The following DNAH14 variants were observed in gnomAD, a reference collection of about 807,000 sequenced individuals.
DNAH14 encodes the protein dynein axonemal heavy chain 14, also known as axonemal beta dynein heavy chain 14.
A neutral mutation model predicts 520.9 loss-of-function variants in DNAH14; 478 were observed. That is an observed-to-expected ratio of 0.92 (90% CI 0.85 to 0.99). The LOEUF is 0.99. DNAH14 is among the 50% of genes least tolerant of loss of function. The pLI, the probability that DNAH14 is intolerant of heterozygous loss-of-function variation, is 0.00. For missense variants in DNAH14, 4,831 were observed against 5,234.5 expected, an observed-to-expected ratio of 0.92 and a Z score of 2.38; for synonymous variants, 1,581 against 1,757.2, an observed-to-expected ratio of 0.90 and a Z score of 2.51.
chr1:224,934,704 A>G (rs1377085635), intron 1 of DNAH14, among the ~76,000 whole-genome samples: 1 of 151,838 alleles, frequency 6.6e-6, no homozygotes, highest in African/African-American at 2.4e-5. Context: ...GGCAGAAACA[A>G]TGTGAAAAGA....
Position 225,207,218 on chromosome 1 carries a change from A to G in DNAH14, c.6437A>G (p.Gln2146Arg). Reference sequence around the variant, plus strand: ...ATGGGTAAAAATGGAGGATTTGAACAAAGTGAGTTTTTTTCTCTAAGTCAT... The same window carrying G: ...ATGGGTAAAAATGGAGGATTTGAACGAAGTGAGTTTTTTTCTCTAAGTCAT... ...DFMGKNGGFEQSDDLNDTSSK... is the reference protein window; with the variant it reads ...DFMGKNGGFERSDDLNDTSSK... The change falls in exon 41 of 86, where the codon CAA becomes CGA. Residue 2146 changes from glutamine (Q) to arginine (R), a missense_variant and splice_region_variant. Transcript: ENST00000682510. 5 of 1,512,628 alleles carry G rather than the reference A, an allele frequency of 3.3e-6. No individual in the cohort carries two copies. The highest frequency in any genetic ancestry group is 3.5e-6 in the Non-Finnish European group (4 of 1,128,126). 93.7% of individuals were successfully genotyped at this position (1,512,628 alleles called of 1,614,324 possible).
chr1:225,103,996 T>C (rs2075779066), intron 23 of DNAH14, among the ~76,000 whole-genome samples: 2 of 152,180 alleles, frequency 1.3e-5, no homozygotes, highest in South Asian at 4.1e-4. Flanking sequence ...CTTCCAGTTT[T>C]TGCCCATTCA....
At chr1:225,114,760 A>G (rs1327324658) in intron 23 of DNAH14, among the ~76,000 whole-genome samples, 1 of 151,582 alleles carries the variant, frequency 6.6e-6, no homozygotes, top group African/African-American at 2.4e-5. Context: ...GGCAGCACTG[A>G]GTTTCAATGC....
intron 41 of DNAH14, among the ~76,000 whole-genome samples, chr1:225,217,998 C>T (rs1040649643): frequency 1.3e-5 from 2 of 152,014 alleles, no homozygotes; most frequent in Non-Finnish European, 2.9e-5. Flanking sequence ...ATAGCTGTTC[C>T]TATTTGTCCA....
chr1:224,964,604 T>C lies in DNAH14; in HGVS notation c.493T>C (p.Leu165=). The C allele has an allele frequency of 6.3e-7, 1 of 1,595,264 alleles. No homozygotes were observed. The highest frequency in any genetic ancestry group is 8.5e-7 in the Non-Finnish European group (1 of 1,169,884). ...CAAAATTGCAATTCAGAAGATTACT[T>C]TAAAGGTATTGTTCTATTTTATTTA... is the stretch of plus-strand genomic sequence containing the variant. The part of the protein sequence containing the change: ...SSKIAIQKIT[L]KKPLEDDGEF... Residue 165 remains leucine (L), a synonymous_variant, in exon 5 of 86, where the codon TTA becomes CTA. Coordinates refer to ENST00000682510, the MANE Select transcript of DNAH14 (RefSeq NM_001367479.1).
At chr1:225,104,054 G>T (rs1433250004) in intron 23 of DNAH14, among the ~76,000 whole-genome samples, 1 of 152,140 alleles carries the variant, frequency 6.6e-6, no homozygotes, top group African/African-American at 2.4e-5. Context: ...ATTATTTTGA[G>T]ATACGTCCCC....
At chr1:225,152,322 A>G (rs1030097051) in intron 32 of DNAH14, among the ~76,000 whole-genome samples, 1 of 152,212 alleles carries the variant, frequency 6.6e-6, no homozygotes, top group African/African-American at 2.4e-5. Flanking sequence ...GAGAAAGGAA[A>G]AAGGGTCAGA....
In DNAH14 at chr1:225,374,764, G is replaced by A. The variant is rs1037621689; in HGVS notation, c.12395G>A (p.Gly4132Glu). The change falls in exon 78 of 86, where the codon GGA becomes GAA. Residue 4132 changes from glycine (G) to glutamate (E), a missense_variant. Coordinates refer to ENST00000682510, the MANE Select transcript of DNAH14 (RefSeq NM_001367479.1). The stretch of plus-strand genomic sequence containing the variant: ...TGGCAAGCACTGCGCTACCTGATTG[G>A]AGAAGTGATTTACGGTGGCCGGGTG... Reference protein sequence around the residue: ...ISWQALRYLIGEVIYGGRVID... With the variant: ...ISWQALRYLIEEVIYGGRVID... 6 of 1,551,584 alleles carry A rather than the reference G, an allele frequency of 3.9e-6. No homozygotes were observed. Among genetic ancestry groups the A allele is most frequent in the Non-Finnish European group, 3.5e-6 (4 of 1,146,954 alleles).
chr1:224,964,538 C>A lies in DNAH14; in HGVS notation c.427C>A (p.Gln143Lys). Reference sequence around the variant, plus strand: ...TAGGCTACGAGAAAAGCTTGGTTGGCAAACTATATTACCGCAGCACAGTTT... The same window carrying A: ...TAGGCTACGAGAAAAGCTTGGTTGGAAAACTATATTACCGCAGCACAGTTT... ...IIRLREKLGW[Q>K]TILPQHSLKY... The change falls in exon 5 of 86, where the codon CAA (glutamine) becomes AAA (lysine). Residue 143 changes from glutamine to lysine, a missense_variant. By Grantham distance (53) the Gln-to-Lys change is moderately conservative. Transcript: ENST00000682510. 6.2e-7 allele frequency: 1 copy of A among 1,610,354 alleles called. No homozygotes were observed. The highest frequency in any genetic ancestry group is 1.3e-5 in the African/African-American group (1 of 74,908).
chr1:225,206,103 TAA>T lies in DNAH14; in HGVS notation c.6111_6112del (p.Ile2037MetfsTer5). ...GAGAGAATAGCTTTAACTAATAAAA[TAA>T]GAGTGATTTTTGAAGTGGACAATCT... is the stretch of plus-strand genomic sequence containing the variant. On this transcript the variant is annotated frameshift_variant, in exon 40 of 86. Coordinates refer to ENST00000682510, the MANE Select transcript of DNAH14 (RefSeq NM_001367479.1). LOFTEE classifies it high-confidence loss of function. 6.4e-7 allele frequency: 1 copy of T among 1,551,502 alleles called. No individual in the cohort carries two copies.
chr1:225,063,696 G>A (rs1398257418), intron 17 of DNAH14, among the ~76,000 whole-genome samples: 1 of 152,030 alleles, frequency 6.6e-6, no homozygotes, highest in African/African-American at 2.4e-5. Context: ...TAGTTCTATG[G>A]GAAATGAGAA....
chr1:225,333,509 A>G lies in DNAH14; in HGVS notation c.10080+3A>G. ...AAGTTATGGCACAAAAATATGAGGT[A>G]ATAACATATTTCTATTATCCAGTTA... On this transcript the variant is annotated splice_donor_region_variant and intron_variant, in intron 66 of 85. Transcript: ENST00000682510. The G allele has an allele frequency of 6.5e-7, 1 of 1,541,808 alleles. No individual in the cohort carries two copies.
chr1:225,101,946 G>T (rs1393311493), intron 23 of DNAH14, among the ~76,000 whole-genome samples: 1 of 151,558 alleles, frequency 6.6e-6, no homozygotes, highest in Non-Finnish European at 1.5e-5. Context: ...CAACGTGCAG[G>T]TTAGTTACAT....
chr1:225,090,689 C>T lies in DNAH14; in HGVS notation c.3573+4900C>T, dbSNP rs945807736. 3.3e-5 allele frequency among the ~76,000 whole-genome samples: 5 copies of T among 152,190 alleles called. No homozygotes were observed. In the South Asian group the frequency reaches 8.3e-4, roughly 25 times the overall value. On this transcript the variant is annotated intron_variant, in intron 21 of 85. Coordinates refer to ENST00000682510, the MANE Select transcript of DNAH14 (RefSeq NM_001367479.1). The stretch of plus-strand genomic sequence containing the variant: ...TCATATGCAAAACAAACAAAAAACT[C>T]TTAAGCCACATCTTACAACATACAC...
At chr1:225,043,493 AACAGTTTCTC>A (rs1210449861) in intron 13 of DNAH14, among the ~76,000 whole-genome samples, 3 of 152,130 alleles carry the variant, frequency 2.0e-5, no homozygotes, top group Non-Finnish European at 4.4e-5. Context: ...TCAAAACCCA[AACAGTTTCTC>A]ACTGAAGCAG....
At chr1:225,048,987 T>A (rs1488139510) in intron 15 of DNAH14, among the ~76,000 whole-genome samples, 1 of 152,070 alleles carries the variant, frequency 6.6e-6, no homozygotes, top group Non-Finnish European at 1.5e-5. Context: ...CATCTTTTAT[T>A]ATGCTAGTTT....
At chr1:225,118,886 C>CAAAAAAA (rs35262847) in intron 25 of DNAH14, among the ~76,000 whole-genome samples, 14 of 74,546 alleles carry the variant, frequency 1.9e-4, no homozygotes, top group African/African-American at 5.1e-4. Flanking sequence ...CTCTCTGTCT[C>CAAAAAAA]AAAAAAAAAA....
chr1:225,273,207 C>G, intron 52 of DNAH14, 82 bp downstream of exon 52: 1 of 1,384,828 alleles, frequency 7.2e-7, no homozygotes, highest in African/African-American at 1.5e-5. Context: ...CCGAAGCGGG[C>G]AGATCACGAG....
intron 42 of DNAH14, among the ~76,000 whole-genome samples, chr1:225,235,047 G>T (rs1309861217): frequency 6.6e-6 from 1 of 152,042 alleles, no homozygotes; most frequent in Non-Finnish European, 1.5e-5. Context: ...TCTTTCTCTT[G>T]CCTAATTGCC....
Sources: gnomAD v4.1 joint callset for allele counts (sites outside exome capture counted in the v4.1 genomes callset) on GRCh38, gnomAD v4.1.1 for gene constraint, MANE v1.5 for transcripts, NCBI Gene and HGNC (gene_info 2026-07-23, HGNC 2026-07-21) for gene names.